The following ARPC1A variants were observed in gnomAD, a reference collection of about 807,000 sequenced individuals.
ARPC1A encodes actin-related protein 2/3 complex subunit 1A.
A neutral mutation model predicts 46.9 loss-of-function variants in ARPC1A; 8 were observed. That is an observed-to-expected ratio of 0.17 (90% CI 0.10 to 0.31). The LOEUF (loss-of-function observed/expected upper bound fraction) is 0.31. Ranked by LOEUF, ARPC1A falls within the 10% of genes least tolerant of loss-of-function variation. The pLI, the probability that ARPC1A is intolerant of heterozygous loss-of-function variation, is 1.00. For missense variants in ARPC1A, 286 were observed against 483.6 expected (o/e 0.59, Z 3.83); for synonymous variants, 152 against 169.0 (o/e 0.90, Z 0.78).
At chr7:99,359,334 G>A (rs553725652) in intron 7 of ARPC1A, among the ~76,000 whole-genome samples, 1 of 152,022 alleles carries the variant, frequency 6.6e-6, no homozygotes, top group South Asian at 2.1e-4. Flanking sequence ...TACTTGGGAG[G>A]CTGAGGCAGG....
chr7:99,340,146 GTTTTT>G, intron 3 of ARPC1A: 1 of 379,462 alleles, frequency 2.6e-6, no homozygotes, highest in Non-Finnish European at 5.0e-6. Flanking sequence ...TCTTTTTTCT[GTTTTT>G]GTTTGTTTGT....
intron 2 of ARPC1A, among the ~76,000 whole-genome samples, chr7:99,333,894 T>C (rs1285667258): frequency 6.6e-6 from 1 of 151,396 alleles, no homozygotes; most frequent in Non-Finnish European, 1.5e-5. Context: ...CCCAGCACTT[T>C]GGGAGGCCAA....
At chr7:99,326,866 T>G (rs949481153) in intron 1 of ARPC1A, among the ~76,000 whole-genome samples, 2 of 152,218 alleles carry the variant, frequency 1.3e-5, no homozygotes, top group Non-Finnish European at 2.9e-5. Flanking sequence ...AAGACCAGAA[T>G]GGTGTCAGCC....
intron 9 of ARPC1A, among the ~76,000 whole-genome samples, chr7:99,363,844 T>G (rs1171501629): frequency 1.3e-5 from 2 of 152,052 alleles, no homozygotes; most frequent in African/African-American, 4.8e-5. Flanking sequence ...TCCGTGAATA[T>G]TTTTACAAAA....
At chr7:99,358,512 G>GT (rs1224212242) in intron 7 of ARPC1A, 97 bp downstream of exon 7, 7 of 546,716 alleles carry the variant, frequency 1.3e-5, no homozygotes, top group Admixed American at 9.6e-5. Flanking sequence ...AAGCAGAACA[G>GT]TTTTTTAGAA....
At chr7:99,349,779 G>A (rs1241929794) in intron 5 of ARPC1A, among the ~76,000 whole-genome samples, 2 of 152,114 alleles carry the variant, frequency 1.3e-5, no homozygotes, top group South Asian at 2.1e-4. Flanking sequence ...GGCGGAGCTT[G>A]CAGTGAGCCG....
At chr7:99,337,619 G>C (rs1380893171) in intron 2 of ARPC1A, among the ~76,000 whole-genome samples, 1 of 152,094 alleles carries the variant, frequency 6.6e-6, no homozygotes, top group Non-Finnish European at 1.5e-5. Context: ...TTTTGGATTA[G>C]TTCAGGAAAT....
chr7:99,346,212 G>A (rs1197645809), intron 4 of ARPC1A, among the ~76,000 whole-genome samples: 5 of 141,856 alleles, frequency 3.5e-5, no homozygotes, highest in Admixed American at 7.1e-5. Context: ...GTGAAACTCC[G>A]TCTCAAAAAA....
intron 6 of ARPC1A, 32 bp downstream of exon 6, chr7:99,354,153 G>A (rs1433181913): frequency 6.2e-7 from 1 of 1,602,232 alleles, no homozygotes; most frequent in Admixed American, 1.7e-5. Context: ...GGAAGGTGGG[G>A]AACAAGGGGT....
intron 1 of ARPC1A, among the ~76,000 whole-genome samples, chr7:99,328,986 G>C (rs1261651969): frequency 1.3e-5 from 2 of 151,576 alleles, no homozygotes; most frequent in African/African-American, 4.8e-5. Context: ...AGGGATGAGG[G>C]GGGAGGGAGG....
intron 2 of ARPC1A, among the ~76,000 whole-genome samples, chr7:99,336,283 A>G (rs955218535): frequency 2.6e-5 from 4 of 152,104 alleles, no homozygotes; most frequent in African/African-American, 4.8e-5. Context: ...CTCTATATAC[A>G]TGTGAGAAAG....
intron 3 of ARPC1A, among the ~76,000 whole-genome samples, chr7:99,343,475 A>C (rs899903597): frequency 2.0e-5 from 3 of 151,394 alleles, no homozygotes; most frequent in East Asian, 1.9e-4. Flanking sequence ...TCAAAAAAAA[A>C]AAAGAAAGAA....
chr7:99,352,338 C>T (rs1202422572), intron 5 of ARPC1A, among the ~76,000 whole-genome samples: 1 of 152,078 alleles, frequency 6.6e-6, no homozygotes, highest in Non-Finnish European at 1.5e-5. Flanking sequence ...CAGCCTGACA[C>T]ACAGTAGGTG....
At chr7:99,334,277 G>A (rs555155913) in intron 2 of ARPC1A, among the ~76,000 whole-genome samples, 25 of 151,916 alleles carry the variant, frequency 1.6e-4, no homozygotes, top group Admixed American at 3.9e-4. Flanking sequence ...CAGGAAAATC[G>A]CTTGAATCCG....
Position 99,353,941 on chromosome 7 carries a change from A to C in ARPC1A, c.533A>C (p.Glu178Ala). 6.2e-7 allele frequency: 1 copy of C among 1,613,948 alleles called. No homozygotes were observed. Among genetic ancestry groups the C allele is most frequent in the Non-Finnish European group, 8.5e-7 (1 of 1,179,840 alleles). Reference sequence around the variant, plus strand: ...TCTGCCTACATTAAAGAAGTGGATGAAAAGCCAGCCAGCACGCCCTGGGGC... The same window carrying C: ...TCTGCCTACATTAAAGAAGTGGATGCAAAGCCAGCCAGCACGCCCTGGGGC... ...VFSAYIKEVD[E>A]KPASTPWGSK... The change falls in exon 6 of 10, where the codon GAA becomes GCA. Residue 178 changes from glutamate to alanine, a missense_variant. This residue lies in a region of ARPC1A where 182 missense variants were observed against 276.7 expected (regional missense o/e 0.66). Transcript: ENST00000262942.
At chr7:99,335,846 C>T (rs1039054584) in intron 2 of ARPC1A, among the ~76,000 whole-genome samples, 4 of 151,634 alleles carry the variant, frequency 2.6e-5, no homozygotes, top group Non-Finnish European at 5.9e-5. Flanking sequence ...CCCAGTTACT[C>T]GGGAGGCTGA....
At position 99,347,495 on chromosome 7, in the gene ARPC1A, A is replaced by G. The variant is rs533421257; in HGVS notation, c.393-1357A>G. ...TAAGGCAGGCAGATCACCTGAGACC[A>G]GGAGTTTGAGACCAGCCTGGCCAAC... is the stretch of plus-strand genomic sequence containing the variant. On this transcript the variant is annotated intron_variant, in intron 4 of 9. Transcript: ENST00000262942. 3.3e-5 allele frequency among the ~76,000 whole-genome samples: 5 copies of G among 152,134 alleles called. No homozygotes were observed. The South Asian group carries it at 1.0e-3, about 32-fold the overall frequency.
intron 1 of ARPC1A, among the ~76,000 whole-genome samples, chr7:99,329,173 C>T (rs1444243991): frequency 6.6e-6 from 1 of 151,246 alleles, no homozygotes; most frequent in Non-Finnish European, 1.5e-5. Context: ...TGGTGGCGGG[C>T]CCCTGTAGTC....
chr7:99,361,559 C>G (rs181597291), intron 8 of ARPC1A, among the ~76,000 whole-genome samples: 4 of 151,806 alleles, frequency 2.6e-5, no homozygotes. Flanking sequence ...CACCTTTTCT[C>G]CATTCTTTAG....
Sources: allele counts gnomAD v4.1 joint callset (sites outside exome capture counted in the v4.1 genomes callset), GRCh38; gene constraint gnomAD v4.1.1; regional missense constraint gnomAD v4.1.1; transcripts MANE v1.5; gene names NCBI Gene and HGNC (gene_info 2026-07-23, HGNC 2026-07-21).